USP8: variants seen among roughly 807,000 people sequenced by gnomAD.
The protein encoded by USP8 is ubiquitin specific peptidase 8.
A neutral mutation model predicts 130.0 loss-of-function variants in USP8; 27 were observed. The observed-to-expected ratio is 0.21, with a 90% CI of 0.15 to 0.29. USP8 has a LOEUF of 0.29. Among genes scored for constraint, USP8 ranks in the 10% least tolerant of loss-of-function variants. USP8 has a pLI of 1.00. For missense variants in USP8, 1,029 were observed against 1,312.2 expected, an observed-to-expected ratio of 0.78 and a Z score of 3.33; for synonymous variants, 392 against 444.1, an observed-to-expected ratio of 0.88 and a Z score of 1.48.
chr15:50,466,038 C>T (rs1277112881), intron 7 of USP8, among the ~76,000 whole-genome samples: 2 of 151,972 alleles, frequency 1.3e-5, no homozygotes, highest in Non-Finnish European at 2.9e-5. Context: ...AGGCCTTTAA[C>T]CTATGAAATA....
At chr15:50,478,424 T>A in intron 10 of USP8, among the ~76,000 whole-genome samples, 1 of 152,158 alleles carries the variant, frequency 6.6e-6, no homozygotes, top group Admixed American at 6.6e-5. Flanking sequence ...TCCCCAGATA[T>A]ATTTAAAACA....
chr15:50,454,976 T>TCATTTAC (rs1555385785), intron 4 of USP8, among the ~76,000 whole-genome samples: 2 of 151,770 alleles, frequency 1.3e-5, no homozygotes, highest in Non-Finnish European at 2.9e-5. Flanking sequence ...GGTCTTTCTG[T>TCATTTAC]GTTGCCCAGG....
At chr15:50,477,196 G>A (rs927234316) in intron 9 of USP8, 80 bp from the exon 10 acceptor site, 1 of 1,340,046 alleles carries the variant, frequency 7.5e-7, no homozygotes, top group Admixed American at 2.6e-5. Flanking sequence ...TTTAATTACT[G>A]CATTAACACG....
At chr15:50,460,510 T>C (rs143879173) in intron 5 of USP8, among the ~76,000 whole-genome samples, 13 of 152,038 alleles carry the variant, frequency 8.6e-5, no homozygotes, top group African/African-American at 3.1e-4. Context: ...GGTTTCACCA[T>C]ATTGGCCAGG....
intron 4 of USP8, among the ~76,000 whole-genome samples, chr15:50,455,665 TTTG>T (rs964102696): frequency 9.9e-5 from 15 of 152,018 alleles, no homozygotes; most frequent in East Asian, 3.9e-4. Context: ...TCTGAATAGT[TTTG>T]TTGTTGTTGT....
At position 50,499,824 on chromosome 15, in the gene USP8, T is replaced by C. The variant is rs1465052457; in HGVS notation, c.*736T>C. On this transcript the variant is annotated 3_prime_UTR_variant, in exon 20 of 20. Coordinates refer to ENST00000307179, the MANE Select transcript of USP8 (RefSeq NM_005154.5). The stretch of plus-strand genomic sequence containing the variant: ...GTCTTTAATATTGTATTATCAAATA[T>C]AGGACAGTAAAACCATAGATTTTAT... 6.6e-6 allele frequency: 1 copy of C among 152,154 alleles called. No individual in the cohort carries two copies. The highest frequency in any genetic ancestry group is 2.4e-5 in the African/African-American group (1 of 41,440). The allele number at this position is 152,154 out of a possible 1,614,324, so 9.4% of individuals were successfully genotyped here.
intron 8 of USP8, among the ~76,000 whole-genome samples, chr15:50,475,877 A>G (rs1422363027): frequency 6.6e-6 from 1 of 152,138 alleles, no homozygotes; most frequent in Non-Finnish European, 1.5e-5. Flanking sequence ...TGCTGGGATT[A>G]CAGGCATGAG....
chr15:50,490,603 A>G, intron 14 of USP8, 78 bp downstream of exon 14: 1 of 1,514,746 alleles, frequency 6.6e-7, no homozygotes, highest in Non-Finnish European at 8.8e-7. Flanking sequence ...TCAGTATGTT[A>G]GTGTCAGGGA....
intron 3 of USP8, among the ~76,000 whole-genome samples, chr15:50,442,262 C>G (rs1174900427): frequency 6.6e-6 from 1 of 152,130 alleles, no homozygotes; most frequent in Non-Finnish European, 1.5e-5. Context: ...GCATAAGCCT[C>G]TGCATCCAGC....
chr15:50,506,133 G>A lies in USP8; in HGVS notation c.*7045G>A, dbSNP rs532395259. On this transcript the variant is annotated 3_prime_UTR_variant, in exon 20 of 20. Transcript: ENST00000307179. The stretch of plus-strand genomic sequence containing the variant: ...AGAATCAAAATGTGTAACTTCCAAA[G>A]TTGTAGAGGGAAAATAAAGAAAGCT... 6.6e-6 allele frequency: 1 copy of A among 152,308 alleles called. No individual in the cohort carries two copies. Among genetic ancestry groups the A allele is most frequent in the South Asian group, 2.1e-4 (1 of 4,826 alleles). The allele number at this position is 152,308 out of a possible 1,614,324, so 9.4% of individuals were successfully genotyped here.
intron 15 of USP8, 126 bp downstream of exon 15, chr15:50,493,039 C>T: frequency 2.9e-6 from 3 of 1,020,722 alleles, no homozygotes; most frequent in Non-Finnish European, 4.5e-6. Flanking sequence ...TTGTAAAGAA[C>T]AAAAATTTAT....
chr15:50,470,647 G>C (rs2051343787), intron 7 of USP8, among the ~76,000 whole-genome samples: 1 of 149,698 alleles, frequency 6.7e-6, no homozygotes, highest in Non-Finnish European at 1.5e-5. Flanking sequence ...TTGTCGCCCA[G>C]GCTGGAGTGC....
chr15:50,477,589 C>A, intron 10 of USP8, 90 bp downstream of exon 10: 1 of 1,251,572 alleles, frequency 8.0e-7, no homozygotes, highest in Non-Finnish European at 1.1e-6. Context: ...CCTGTAATCC[C>A]AGCACTTTGG....
intron 1 of USP8, chr15:50,426,811 T>C (rs75639221): frequency 6.6e-6 from 1 of 152,220 alleles, no homozygotes; most frequent in African/African-American, 2.4e-5. Context: ...ACCCTCACCT[T>C]TGAAAGGAAA....
At chr15:50,433,824 C>A (rs1377178108) in intron 1 of USP8, among the ~76,000 whole-genome samples, 1 of 152,118 alleles carries the variant, frequency 6.6e-6, no homozygotes, top group Non-Finnish European at 1.5e-5. Flanking sequence ...CCAGGATGGT[C>A]TTGATCTCCT....
chr15:50,481,615 T>G lies in USP8; in HGVS notation c.1353T>G (p.Phe451Leu). 6.2e-7 allele frequency: 1 copy of G among 1,614,148 alleles called. No homozygotes were observed. The highest frequency in any genetic ancestry group is 8.5e-7 in the Non-Finnish European group (1 of 1,180,028). The change falls in exon 11 of 20, where the codon TTT becomes TTG. Residue 451 changes from phenylalanine (F) to leucine (L), a missense_variant. Phe to Leu is a conservative substitution (Grantham distance 22). Around this residue, in one of 4 missense-constraint regions of USP8, gnomAD observed 486 missense variants for 522.0 expected, o/e 0.93. Coordinates refer to ENST00000307179, the MANE Select transcript of USP8 (RefSeq NM_005154.5). The part of the protein sequence containing the change: ...IPDRSTKPVV[F>L]SPTLMLTDEE... Reference sequence around the variant, plus strand: ...ATCGTTCCACCAAGCCAGTAGTTTTTTCTCCAACTCTCATGTTAACAGATG... The same window carrying G: ...ATCGTTCCACCAAGCCAGTAGTTTTGTCTCCAACTCTCATGTTAACAGATG...
At chr15:50,492,619 A>G (rs986301943) in intron 14 of USP8, 82 bp from the exon 15 acceptor site, 4 of 1,392,912 alleles carry the variant, frequency 2.9e-6, no homozygotes, top group Non-Finnish European at 2.9e-6. Context: ...CAGGTGCTAC[A>G]GTTTGCTGCC....
chr15:50,464,637 G>A (rs761605878), intron 6 of USP8, among the ~76,000 whole-genome samples: 5 of 152,166 alleles, frequency 3.3e-5, no homozygotes, highest in Non-Finnish European at 4.4e-5. Context: ...TGGGCAGATC[G>A]CTTGAGGTCA....
rs537712202 is a variant in USP8, at chr15:50,433,617, TA to T, written c.-65-5391del. Among the ~76,000 whole-genome samples the T allele has an allele frequency of 2.1e-3, 326 of 152,284 alleles. 3 individuals carry two copies. The highest frequency in any genetic ancestry group is 7.7e-3 in the African/African-American group (319 of 41,554). On this transcript the variant is annotated intron_variant, in intron 1 of 19. Transcript: ENST00000307179. The stretch of plus-strand genomic sequence containing the variant: ...AAAGAACATTTTCTCTTTATTTATT[TA>T]TTTTTTTTTGAGATGGAGTCTCTGT...
Sources: allele counts gnomAD v4.1 joint callset (sites outside exome capture counted in the v4.1 genomes callset), GRCh38; gene constraint gnomAD v4.1.1; regional missense constraint gnomAD v4.1.1; transcripts MANE v1.5; gene names NCBI Gene and HGNC (gene_info 2026-07-23, HGNC 2026-07-21).